The following RPS4Y1 variants were observed in gnomAD, a reference collection of about 807,000 sequenced individuals.
The protein encoded by RPS4Y1 is small ribosomal subunit protein eS4, Y isoform 1.
For missense variants in RPS4Y1, 30 were observed against 60.9 expected, an observed-to-expected ratio of 0.49 and a Z score of 1.69; for synonymous variants, 23 against 20.8, an observed-to-expected ratio of 1.10 and a Z score of -0.28.
chrY:2,855,626 A>G (rs2051159395), intron 5 of RPS4Y1, among the ~76,000 whole-genome samples: 1 of 33,643 alleles, frequency 3.0e-5, no homozygotes, highest in Non-Finnish European at 7.4e-5. Flanking sequence ...TTGACCTGAA[A>G]ATTTTAGCCA....
intron 5 of RPS4Y1, among the ~76,000 whole-genome samples, chrY:2,857,783 T>C (rs968959398): frequency 2.0e-4 from 7 of 34,199 alleles, no homozygotes; most frequent in Admixed American, 1.8e-3. Context: ...ATTTTGTTTA[T>C]CCATTCCTCT....
intron 4 of RPS4Y1, among the ~76,000 whole-genome samples, chrY:2,849,897 C>A (rs2051155053): frequency 3.0e-5 from 1 of 33,692 alleles, no homozygotes; most frequent in Non-Finnish European, 7.4e-5. Context: ...TTTGCAGGAG[C>A]ACTCCCACTA....
chrY:2,855,200 C>G, intron 5 of RPS4Y1, among the ~76,000 whole-genome samples: 1 of 33,850 alleles, frequency 3.0e-5, no homozygotes, highest in African/African-American at 1.2e-4. Flanking sequence ...ACCTCAGGCT[C>G]TGACTCCTGA....
intron 5 of RPS4Y1, among the ~76,000 whole-genome samples, chrY:2,859,375 C>T (rs2051161995): frequency 6.0e-5 from 2 of 33,298 alleles, no homozygotes; most frequent in Non-Finnish European, 1.5e-4. Context: ...TTTTTTCTCC[C>T]TTATTACCTG....
intron 4 of RPS4Y1, among the ~76,000 whole-genome samples, chrY:2,852,683 T>C: frequency 3.0e-5 from 1 of 33,741 alleles, no homozygotes; most frequent in East Asian, 7.8e-4. Flanking sequence ...AAGTTTTGAT[T>C]TGAAGAGCGT....
chrY:2,853,255 A>G, intron 4 of RPS4Y1, among the ~76,000 whole-genome samples: 2 of 33,441 alleles, frequency 6.0e-5, no homozygotes, highest in Non-Finnish European at 1.5e-4. Context: ...GAGTTCATTT[A>G]TTGTACAGTT....
chrY:2,864,336 T>G, intron 5 of RPS4Y1, among the ~76,000 whole-genome samples: 1 of 33,345 alleles, frequency 3.0e-5, no homozygotes, highest in Admixed American at 2.7e-4. Context: ...AGGGCTTTAT[T>G]CTCTGGCTTT....
intron 3 of RPS4Y1, among the ~76,000 whole-genome samples, chrY:2,845,252 T>C (rs573012992): frequency 7.0e-3 from 225 of 32,193 alleles, no homozygotes; most frequent in Admixed American, 0.051. Context: ...AGGACATTGA[T>C]TGGGCAGCCT....
At chrY:2,854,016 A>T in intron 4 of RPS4Y1, 2 of 33,099 alleles carry the variant, frequency 6.0e-5, no homozygotes, top group African/African-American at 2.4e-4. Flanking sequence ...TTTTTGGTAG[A>T]GACGGGGTTT....
intron 2 of RPS4Y1, among the ~76,000 whole-genome samples, chrY:2,843,497 G>C: frequency 3.0e-5 from 1 of 33,513 alleles, no homozygotes; most frequent in Non-Finnish European, 7.3e-5. Flanking sequence ...ATATGTACTG[G>C]TAGCAGATAT....
chrY:2,842,302 T>C, intron 2 of RPS4Y1, 60 bp downstream of exon 2: 1 of 279,309 alleles, frequency 3.6e-6, no homozygotes, highest in Non-Finnish European at 5.5e-6. Context: ...GAGTGCATGC[T>C]AAATACCTGT....
At chrY:2,841,906 G>C (rs767640540) in intron 1 of RPS4Y1, 10 of 375,980 alleles carry the variant, frequency 2.7e-5, no homozygotes, top group Non-Finnish European at 3.3e-5. Flanking sequence ...AGCAGCCTCA[G>C]ATTCGCTTGG....
chrY:2,864,216 A>G, intron 5 of RPS4Y1, among the ~76,000 whole-genome samples: 1 of 33,688 alleles, frequency 3.0e-5, no homozygotes, highest in Non-Finnish European at 7.4e-5. Context: ...TGAGAGATCA[A>G]TAAGTGTAAT....
chrY:2,854,466 T>C (rs746019928), intron 4 of RPS4Y1, 134 bp from the exon 5 acceptor site: 3 of 173,365 alleles, frequency 1.7e-5, no homozygotes, highest in Non-Finnish European at 3.3e-5. Flanking sequence ...CTGGTTAATA[T>C]AGTTTTTCCC....
intron 5 of RPS4Y1, among the ~76,000 whole-genome samples, chrY:2,864,349 T>TCCA (rs2051165634): frequency 3.0e-5 from 1 of 33,120 alleles, no homozygotes; most frequent in South Asian, 6.7e-4. Flanking sequence ...CTGGCTTTGG[T>TCCA]GGTGTGTCTT....
chrY:2,853,127 A>G (rs2051157247), intron 4 of RPS4Y1, among the ~76,000 whole-genome samples: 1 of 33,270 alleles, frequency 3.0e-5, no homozygotes, highest in South Asian at 6.8e-4. Context: ...CACACCTCCT[A>G]GGCAGGTTAA....
rs35284970 is a variant in RPS4Y1 at position 2,866,813 on chromosome Y, C to T, written c.711C>T (p.Ser237=). 2,075 of 393,800 alleles carry T rather than the reference C, an allele frequency of 5.3e-3. No homozygotes were observed. The East Asian group carries it at 0.092, about 17-fold the overall frequency. The part of the protein sequence containing the change: ...VIGNGNKPWI[S]LPRGKGIRLT... ...TGCAGGGCAATAAACCTTGGATTTCCCTGCCCAGGGGAAAGGGCATTCGAC... is the reference window on the plus strand; with the variant it reads ...TGCAGGGCAATAAACCTTGGATTTCTCTGCCCAGGGGAAAGGGCATTCGAC... The change falls in exon 7 of 7, where the codon TCC becomes TCT. Residue 237 remains serine (S), a synonymous_variant. Transcript: ENST00000250784.
intron 5 of RPS4Y1, among the ~76,000 whole-genome samples, chrY:2,856,380 G>A (rs541542386): frequency 0.02 from 651 of 33,028 alleles, no homozygotes; most frequent in Middle Eastern, 0.17. Context: ...CTTGTGATCC[G>A]CCCACCTTGG....
chrY:2,862,653 A>G, intron 5 of RPS4Y1, among the ~76,000 whole-genome samples: 1 of 33,401 alleles, frequency 3.0e-5, no homozygotes, highest in Non-Finnish European at 7.4e-5. Flanking sequence ...TGCTATGTTG[A>G]GGGTGGTGGT....
Sources: gnomAD v4.1 joint callset for allele counts (sites outside exome capture counted in the v4.1 genomes callset) on GRCh38, gnomAD v4.1.1 for gene constraint, MANE v1.5 for transcripts, NCBI Gene and HGNC (gene_info 2026-07-23, HGNC 2026-07-21) for gene names.